The following CPEB1 variants were observed in gnomAD, a reference collection of about 807,000 sequenced individuals.
CPEB1 encodes the protein cytoplasmic polyadenylation element binding protein 1, also known as cytoplasmic polyadenylation element-binding protein 1.
A neutral mutation model predicts 65.8 loss-of-function variants in CPEB1; 7 were observed. The ratio of observed to expected loss-of-function variants is 0.11; its 90% CI spans 0.06 to 0.20. The LOEUF is 0.20. Among genes scored for constraint, CPEB1 ranks in the 10% least tolerant of loss-of-function variants. The probability of loss-of-function intolerance (pLI) is 1.00; values close to 1 mark genes in which losing one functional copy is unlikely to be tolerated. For missense variants in CPEB1, 551 were observed against 712.2 expected (o/e 0.77, Z 2.58); for synonymous variants, 262 against 260.0 (o/e 1.01, Z -0.08).
At chr15:82,630,043 T>G (rs996365609) in intron 1 of CPEB1, 2 of 985,396 alleles carry the variant, frequency 2.0e-6, no homozygotes, top group Non-Finnish European at 2.4e-6. Context: ...TTTTCACAAC[T>G]GTAGATTTCT....
chr15:82,621,946 A>C (rs1459238816), intron 3 of CPEB1, among the ~76,000 whole-genome samples: 1 of 152,184 alleles, frequency 6.6e-6, no homozygotes, highest in East Asian at 1.9e-4. Context: ...CTGCTCCTCC[A>C]ATCATTGCCT....
At position 82,544,271 on chromosome 15, in the gene CPEB1, AG is replaced by A. The variant is rs2034775219; in HGVS notation, c.*320del. 1.3e-5 allele frequency: 3 copies of A among 223,418 alleles called. No individual in the cohort carries two copies. The highest frequency in any genetic ancestry group is 1.7e-4 in the East Asian group (2 of 11,570). 13.8% of individuals were successfully genotyped at this position (223,418 alleles called of 1,614,324 possible). On this transcript the variant is annotated 3_prime_UTR_variant, in exon 13 of 13. Transcript: ENST00000684509. ...ATACCTCAATACCTTCTGGACACGT[AG>A]TTTTTTTTTTTTTTTTTTTTTTCCC...
intron 3 of CPEB1, among the ~76,000 whole-genome samples, chr15:82,591,686 T>C (rs4779035): frequency 0.15 from 22,576 of 152,158 alleles, 1,820 homozygotes; most frequent in Non-Finnish European, 0.19. Flanking sequence ...CATTTCCCTC[T>C]AACCTCTCCC....
rs1308865662 is a variant in CPEB1 at position 82,619,787 on chromosome 15, TGAGGATATGAA to T, written c.271+7395_271+7405del. 7.2e-5 allele frequency among the ~76,000 whole-genome samples: 11 copies of T among 152,056 alleles called. No homozygotes were observed. In the East Asian group the frequency reaches 1.9e-3, roughly 27 times the overall value. On this transcript the variant is annotated intron_variant, in intron 3 of 12. Coordinates refer to ENST00000684509, the MANE Select transcript of CPEB1 (RefSeq NM_001365242.1). ...AAATGAAAGACAATACAATTATTGA[TGAGGATATGAA>T]ACAACCCAAACCATCGTACACCACT...
intron 1 of CPEB1, among the ~76,000 whole-genome samples, chr15:82,632,625 C>A (rs2151342664): frequency 6.6e-6 from 1 of 152,154 alleles, no homozygotes; most frequent in East Asian, 1.9e-4. Flanking sequence ...AAGCAATCTT[C>A]CTGCCTCAGC....
intron 3 of CPEB1, among the ~76,000 whole-genome samples, chr15:82,582,567 A>C (rs2041383822): frequency 6.6e-6 from 1 of 152,088 alleles, no homozygotes; most frequent in African/African-American, 2.4e-5. Flanking sequence ...ACAGGGACTA[A>C]CTGATCCCCT....
intron 3 of CPEB1, among the ~76,000 whole-genome samples, chr15:82,575,752 T>C (rs1427110476): frequency 6.6e-6 from 1 of 152,140 alleles, no homozygotes; most frequent in Non-Finnish European, 1.5e-5. Flanking sequence ...GCACACCTAC[T>C]AGATGGCTAA....
intron 3 of CPEB1, among the ~76,000 whole-genome samples, chr15:82,619,078 A>G (rs2045047174): frequency 6.6e-6 from 1 of 152,246 alleles, no homozygotes; most frequent in African/African-American, 2.4e-5. Context: ...TAAAGCTACA[A>G]TAATTAAGAC....
intron 3 of CPEB1, among the ~76,000 whole-genome samples, chr15:82,622,991 G>GTA (rs2045447046): frequency 1.3e-5 from 2 of 152,140 alleles, no homozygotes; most frequent in Admixed American, 1.3e-4. Context: ...TGACCTTTTG[G>GTA]TAAGCCCTGG....
intron 3 of CPEB1, among the ~76,000 whole-genome samples, chr15:82,600,493 G>A (rs1315525467): frequency 6.6e-6 from 1 of 152,032 alleles, no homozygotes; most frequent in Non-Finnish European, 1.5e-5. Flanking sequence ...CTAAGTCTAA[G>A]TAAACAATGA....
intron 3 of CPEB1, among the ~76,000 whole-genome samples, chr15:82,609,132 G>C (rs1046070239): frequency 1.3e-5 from 2 of 152,168 alleles, no homozygotes; most frequent in Non-Finnish European, 2.9e-5. Flanking sequence ...AAAATACTTT[G>C]AGATAAAGAA....
chr15:82,615,602 G>T (rs151038483), intron 3 of CPEB1, among the ~76,000 whole-genome samples: 1 of 152,004 alleles, frequency 6.6e-6, no homozygotes, highest in Non-Finnish European at 1.5e-5. Context: ...TATGCTACAC[G>T]TATTATTTTA....
intron 1 of CPEB1, among the ~76,000 whole-genome samples, chr15:82,643,842 T>C (rs2047291456): frequency 1.3e-5 from 2 of 152,292 alleles, no homozygotes; most frequent in South Asian, 4.1e-4. Flanking sequence ...TAACCTTTAT[T>C]AATTCTTCCT....
At chr15:82,615,157 T>C (rs1031850329) in intron 3 of CPEB1, among the ~76,000 whole-genome samples, 3 of 152,210 alleles carry the variant, frequency 2.0e-5, no homozygotes, top group Non-Finnish European at 4.4e-5. Flanking sequence ...ATTCAGAGCC[T>C]GTACCCTATC....
At chr15:82,587,389 A>G (rs781539165) in intron 3 of CPEB1, among the ~76,000 whole-genome samples, 71 of 152,256 alleles carry the variant, frequency 4.7e-4, no homozygotes, top group Non-Finnish European at 2.1e-4. Flanking sequence ...TGCCTGTCAC[A>G]ATGCAATCAA....
chr15:82,593,381 T>C (rs559672365), intron 3 of CPEB1, among the ~76,000 whole-genome samples: 1 of 152,358 alleles, frequency 6.6e-6, no homozygotes, highest in Admixed American at 6.5e-5. Context: ...ATTCTATCAA[T>C]AAACCATTCA....
Position 82,594,042 on chromosome 15 carries a change from A to C in CPEB1, c.272-22510T>G, listed in dbSNP as rs552255730. On this transcript the variant is annotated intron_variant, in intron 3 of 12. Transcript: ENST00000684509. The stretch of plus-strand genomic sequence containing the variant: ...TCTTAAGGGCCCTAGAATCTTCAGA[A>C]TGGTCGGTAAGCACTGGCCTCAACT... 6.6e-5 allele frequency among the ~76,000 whole-genome samples: 10 copies of C among 152,332 alleles called. 1 individual carries two copies. In the East Asian group the frequency reaches 1.9e-3, roughly 29 times the overall value.
intron 1 of CPEB1, among the ~76,000 whole-genome samples, chr15:82,631,231 T>C (rs568021323): frequency 3.0e-4 from 46 of 152,274 alleles, no homozygotes; most frequent in African/African-American, 9.6e-4. Flanking sequence ...CTAATCCTGT[T>C]AGGAACATAC....
intron 1 of CPEB1, among the ~76,000 whole-genome samples, chr15:82,630,895 C>A (rs1484010947): frequency 6.6e-6 from 1 of 152,106 alleles, no homozygotes; most frequent in Non-Finnish European, 1.5e-5. Context: ...AAAATTGTGT[C>A]TTTTCAATAC....
Sources: allele counts gnomAD v4.1 joint callset (sites outside exome capture counted in the v4.1 genomes callset), GRCh38; gene constraint gnomAD v4.1.1; transcripts MANE v1.5; gene names NCBI Gene and HGNC (gene_info 2026-07-23, HGNC 2026-07-21).